The following NT5DC3 variants were observed in gnomAD, a reference collection of about 807,000 sequenced individuals.
NT5DC3 encodes the protein 5'-nucleotidase domain containing 3.
A neutral mutation model predicts 67.8 loss-of-function variants in NT5DC3; 42 were observed. The ratio of observed to expected loss-of-function variants is 0.62; its 90% confidence interval spans 0.48 to 0.80. The LOEUF (loss-of-function observed/expected upper bound fraction) is 0.80. NT5DC3 is among the 30% of genes least tolerant of loss of function. The pLI is 0.00. For missense variants in NT5DC3, 570 were observed against 696.4 expected (o/e 0.82, Z 2.04); for synonymous variants, 237 against 255.6 (o/e 0.93, Z 0.69).
At chr12:103,750,664 T>G in the NT5DC3 span, 5 of 1,614,238 alleles carry the variant, frequency 3.1e-6, no homozygotes, top group Non-Finnish European at 4.2e-6. Flanking sequence ...GACCGCTGCT[T>G]ACAGGACAAT....
chr12:103,831,149 C>T (rs764946719), intron 1 of NT5DC3, among the ~76,000 whole-genome samples: 1 of 152,110 alleles, frequency 6.6e-6, no homozygotes, highest in South Asian at 2.1e-4. Flanking sequence ...GTGTCAAGGG[C>T]GGGAGCAGGT....
intron 10 of NT5DC3, 39 bp from the exon 11 acceptor site, chr12:103,787,566 TAGAG>T: frequency 9.9e-6 from 12 of 1,213,364 alleles, no homozygotes; most frequent in Non-Finnish European, 1.4e-5. Context: ...TTATTACAGA[TAGAG>T]ATCTGTCTAA....
intron 1 of NT5DC3, among the ~76,000 whole-genome samples, chr12:103,828,991 A>G (rs1439946883): frequency 6.6e-6 from 1 of 151,826 alleles, no homozygotes; most frequent in Non-Finnish European, 1.5e-5. Flanking sequence ...AAGCCACTGA[A>G]CCCGGCCTCT....
intron 10 of NT5DC3, among the ~76,000 whole-genome samples, chr12:103,788,096 G>A (rs1390323171): frequency 6.6e-6 from 1 of 152,068 alleles, no homozygotes; most frequent in African/African-American, 2.4e-5. Flanking sequence ...GGTCACCGAT[G>A]CAATAATTCA....
chr12:103,802,963 G>A (rs980758944), intron 4 of NT5DC3, among the ~76,000 whole-genome samples: 1 of 152,156 alleles, frequency 6.6e-6, no homozygotes, highest in African/African-American at 2.4e-5. Flanking sequence ...TAATGATTTA[G>A]GGAATCAGTC....
At chr12:103,813,410 A>T (rs1887117351) in intron 2 of NT5DC3, among the ~76,000 whole-genome samples, 1 of 152,236 alleles carries the variant, frequency 6.6e-6, no homozygotes, top group Non-Finnish European at 1.5e-5. Flanking sequence ...GCCATAACTA[A>T]AGAAAGCAGG....
At chr12:103,780,444 G>A in intron 12 of NT5DC3, 80 bp from the exon 13 acceptor site, 1 of 1,299,944 alleles carries the variant, frequency 7.7e-7, no homozygotes. Flanking sequence ...TTAATGAGCA[G>A]TTTTTCTAGG....
chr12:103,821,051 CAT>C (rs1887469372), intron 1 of NT5DC3, among the ~76,000 whole-genome samples: 2 of 152,184 alleles, frequency 1.3e-5, no homozygotes, highest in Admixed American at 6.5e-5. Context: ...GCAGAAGAGA[CAT>C]GTGTCACTTC....
At chr12:103,759,081 A>C in the NT5DC3 span, 4 of 1,613,814 alleles carry the variant, frequency 2.5e-6, no homozygotes, top group Non-Finnish European at 3.4e-6. Context: ...TTAAAAAGAC[A>C]AAATATTGCT....
intron 4 of NT5DC3, among the ~76,000 whole-genome samples, chr12:103,801,120 T>C (rs558441399): frequency 1.3e-5 from 2 of 152,068 alleles, no homozygotes; most frequent in Non-Finnish European, 2.9e-5. Flanking sequence ...CACTCACTCC[T>C]GTGGGCCAAA....
chr12:103,824,008 G>A (rs1328136929), intron 1 of NT5DC3, among the ~76,000 whole-genome samples: 1 of 152,192 alleles, frequency 6.6e-6, no homozygotes, highest in Non-Finnish European at 1.5e-5. Flanking sequence ...ATTAATGGTT[G>A]AAACATGTGA....
the NT5DC3 span, among the ~76,000 whole-genome samples, chr12:103,748,552 C>A: frequency 5.9e-5 from 9 of 151,294 alleles, no homozygotes; most frequent in East Asian, 3.9e-4. Flanking sequence ...ATGTCTATCT[C>A]ACAGGGTGCT....
chr12:103,748,037 A>AGACTAG, the NT5DC3 span, among the ~76,000 whole-genome samples: 1 of 151,756 alleles, frequency 6.6e-6, no homozygotes, highest in Non-Finnish European at 1.5e-5. Context: ...AAGAAAACAG[A>AGACTAG]GACTAGGTAT....
the NT5DC3 span, chr12:103,755,583 G>A: frequency 6.2e-7 from 1 of 1,613,712 alleles, no homozygotes; most frequent in African/African-American, 1.3e-5. Context: ...CCTTACTTGT[G>A]TGGGACCCTG....
chr12:103,780,163 G>A (rs1349651549), intron 13 of NT5DC3, 137 bp downstream of exon 13: 44 of 748,364 alleles, frequency 5.9e-5, no homozygotes, highest in Non-Finnish European at 4.8e-6. Flanking sequence ...CTGGATCCTG[G>A]GGGAGGCAGA....
At chr12:103,840,411 A>G (rs1888349370) in intron 1 of NT5DC3, among the ~76,000 whole-genome samples, 3 of 145,402 alleles carry the variant, frequency 2.1e-5, no homozygotes, top group African/African-American at 5.1e-5. Context: ...ATCTCATCTC[A>G]TCTCATCTCA....
At chr12:103,766,056 G>T (rs1299550775), downstream of NT5DC3, 1 of 672,026 alleles carries the variant, frequency 1.5e-6, no homozygotes. Flanking sequence ...GAGTTGGGAT[G>T]ATTTGTCTTG....
chr12:103,780,417 T>G, intron 12 of NT5DC3, 53 bp from the exon 13 acceptor site: 2 of 1,531,382 alleles, frequency 1.3e-6, no homozygotes, highest in Non-Finnish European at 1.8e-6. Flanking sequence ...ATAAGCTCAT[T>G]ACGTAATGAG....
the NT5DC3 span, among the ~76,000 whole-genome samples, chr12:103,753,699 A>G: frequency 6.6e-6 from 1 of 152,238 alleles, no homozygotes; most frequent in African/African-American, 2.4e-5. Context: ...CCAATATTTA[A>G]GGGTAGACCT....
Sources: allele counts gnomAD v4.1 joint callset (sites outside exome capture counted in the v4.1 genomes callset), GRCh38; gene constraint gnomAD v4.1.1; transcripts MANE v1.5; gene names NCBI Gene and HGNC (gene_info 2026-07-23, HGNC 2026-07-21).